The following PTAR1 variants were observed in gnomAD, a reference collection of about 807,000 sequenced individuals.
PTAR1 encodes the protein protein prenyltransferase alpha subunit repeat-containing protein 1.
Under a neutral mutation model 45.5 loss-of-function variants are expected in PTAR1, and 17 were observed. The observed-to-expected ratio is 0.37, with a 90% CI of 0.26 to 0.56. The LOEUF (loss-of-function observed/expected upper bound fraction) is 0.56, where lower values mean the gene tolerates loss of function less well. Ranked by LOEUF, PTAR1 falls within the 20% of genes least tolerant of loss-of-function variation. PTAR1 has a pLI of 0.77. For synonymous variants in PTAR1, 169 were observed against 171.3 expected (o/e 0.99, Z 0.11); for missense variants, 391 against 476.3 (o/e 0.82, Z 1.67).
rs1214655935 is a variant in PTAR1 at position 69,710,105 on chromosome 9, C to CTTA, written c.*8236_*8237insTAA. 1 of 152,010 alleles carries CTTA rather than the reference C, an allele frequency of 6.6e-6. No individual in the cohort carries two copies. Among genetic ancestry groups the CTTA allele is most frequent in the African/African-American group, 2.4e-5 (1 of 41,406 alleles). The allele number at this position is 152,010 out of a possible 1,614,324, so 9.4% of individuals were successfully genotyped here. On this transcript the variant is annotated 3_prime_UTR_variant, in exon 8 of 8. Transcript: ENST00000340434. ...TACCATAATTACAGGCCTACCTCACCATCTCCAAAGTTAAAGTCATATTTT... is the reference window on the plus strand; with the variant it reads ...TACCATAATTACAGGCCTACCTCACCTTAATCTCCAAAGTTAAAGTCATATTTT...
chr9:69,724,944 C>T (rs1825197310), intron 5 of PTAR1, among the ~76,000 whole-genome samples: 1 of 152,102 alleles, frequency 6.6e-6, no homozygotes, highest in Non-Finnish European at 1.5e-5. Flanking sequence ...TTCATAGCCA[C>T]CTAAATTTAT....
Position 69,741,779 on chromosome 9 carries a change from G to A in PTAR1, c.323+13C>T, listed in dbSNP as rs947186391. 4.5e-6 allele frequency: 7 copies of A among 1,566,738 alleles called. No individual in the cohort carries two copies. The highest frequency in any genetic ancestry group is 2.3e-5 in the East Asian group (1 of 44,208). On this transcript the variant is annotated intron_variant, in intron 3 of 7. Transcript: ENST00000340434. ...GGACAAACTTTATCATATCACTAAT[G>A]AAAATGACATACCTCACGTTCCATG...
intron 2 of PTAR1, among the ~76,000 whole-genome samples, chr9:69,748,635 A>G (rs935633387): frequency 6.6e-6 from 1 of 152,096 alleles, no homozygotes; most frequent in Admixed American, 6.6e-5. Context: ...TTAAATTGTC[A>G]TCTTTCTTCA....
chr9:69,710,461 T>C lies in PTAR1; in HGVS notation c.*7881A>G, dbSNP rs1007789877. 8 of 152,118 alleles carry C rather than the reference T, an allele frequency of 5.3e-5. No homozygotes were observed. Among genetic ancestry groups the C allele is most frequent in the Admixed American group, 4.6e-4 (7 of 15,242 alleles). The allele number at this position is 152,118 out of a possible 1,614,324, so 9.4% of individuals were successfully genotyped here. A position where few individuals can be genotyped will look rare whatever the true frequency, so the allele number is the denominator to read the frequency against. On this transcript the variant is annotated 3_prime_UTR_variant, in exon 8 of 8. Coordinates refer to ENST00000340434, the MANE Select transcript of PTAR1 (RefSeq NM_001099666.2). ...TTCTGTTGAACAATGTGGACATAGA[T>C]AATCTACAGTCATTACATTAGCCTT... is the stretch of plus-strand genomic sequence containing the variant.
rs886405120 is a variant in PTAR1 at position 69,713,431 on chromosome 9, T to C, written c.*4911A>G. On this transcript the variant is annotated 3_prime_UTR_variant, in exon 8 of 8. Transcript: ENST00000340434. ...CTATATATTTCTATGAAATTATATT[T>C]GCTATCTTGAAATATGGAATTCCTA... is the stretch of plus-strand genomic sequence containing the variant. 6.6e-6 allele frequency: 1 copy of C among 152,176 alleles called. No individual in the cohort carries two copies. Among genetic ancestry groups the C allele is most frequent in the Non-Finnish European group, 1.5e-5 (1 of 68,024 alleles). 9.4% of individuals were successfully genotyped at this position (152,176 alleles called of 1,614,324 possible).
Position 69,734,397 on chromosome 9 carries a change from C to G in PTAR1, c.324-143G>C, listed in dbSNP as rs199648154. On this transcript the variant is annotated intron_variant, in intron 3 of 7. Transcript: ENST00000340434. ...AACAAAAAAAGAAAGAAAAAAAGCCCAAGCCACTCTGGGATATAAAACACT... is the reference window on the plus strand; with the variant it reads ...AACAAAAAAAGAAAGAAAAAAAGCCGAAGCCACTCTGGGATATAAAACACT... 6.6e-6 allele frequency: 3 copies of G among 452,610 alleles called. No homozygotes were observed. The Admixed American group carries it at 1.2e-4, about 17-fold the overall frequency. 28.0% of individuals were successfully genotyped at this position (452,610 alleles called of 1,614,324 possible).
intron 4 of PTAR1, among the ~76,000 whole-genome samples, chr9:69,733,387 G>A (rs754035765): frequency 2.0e-5 from 3 of 152,106 alleles, no homozygotes; most frequent in Admixed American, 6.6e-5. Context: ...TCCTAAAAAT[G>A]CCCACGATTT....
intron 3 of PTAR1, among the ~76,000 whole-genome samples, chr9:69,739,980 A>G (rs1471746718): frequency 1.3e-5 from 2 of 152,186 alleles, no homozygotes; most frequent in Non-Finnish European, 2.9e-5. Flanking sequence ...TAAAAGTTTA[A>G]TAGAATCATA....
chr9:69,716,551 T>C lies in PTAR1; in HGVS notation c.*1791A>G, dbSNP rs977471616. The C allele has an allele frequency of 7.9e-5, 12 of 152,132 alleles. No individual in the cohort carries two copies. The highest frequency in any genetic ancestry group is 2.9e-4 in the African/African-American group (12 of 41,442). 9.4% of individuals were successfully genotyped at this position (152,132 alleles called of 1,614,324 possible). A position where few individuals can be genotyped will look rare whatever the true frequency, so the allele number is the denominator to read the frequency against. ...AACCATGATGCCAAAGAAAAGGACA[T>C]ATTTCTTCTTCTTTAAGGCAGTCTA... On this transcript the variant is annotated 3_prime_UTR_variant, in exon 8 of 8. Coordinates refer to ENST00000340434, the MANE Select transcript of PTAR1 (RefSeq NM_001099666.2).
intron 3 of PTAR1, among the ~76,000 whole-genome samples, chr9:69,735,657 A>G (rs1194019990): frequency 6.6e-6 from 1 of 152,098 alleles, no homozygotes; most frequent in African/African-American, 2.4e-5. Context: ...ACTCTCACTG[A>G]ATTCTCAATG....
rs1465248387 is a variant in PTAR1 at position 69,732,372 on chromosome 9, G to C, written c.429-20C>G. On this transcript the variant is annotated intron_variant, in intron 4 of 7. Coordinates refer to ENST00000340434, the MANE Select transcript of PTAR1 (RefSeq NM_001099666.2). ...CATCGCCTGTTAAGGCAGCATGTGGGAAAGAGAACACAGAAAGAACATAAA... is the reference window on the plus strand; with the variant it reads ...CATCGCCTGTTAAGGCAGCATGTGGCAAAGAGAACACAGAAAGAACATAAA... 3 of 1,531,894 alleles carry C rather than the reference G, an allele frequency of 2.0e-6. No homozygotes were observed. The Admixed American group carries it at 5.0e-5, about 26-fold the overall frequency. The allele number at this position is 1,531,894 out of a possible 1,614,324, so 94.9% of individuals were successfully genotyped here. A position where few individuals can be genotyped will look rare whatever the true frequency, so the allele number is the denominator to read the frequency against.
intron 1 of PTAR1, among the ~76,000 whole-genome samples, chr9:69,752,054 TAATG>T (rs1826557553): frequency 6.6e-6 from 1 of 152,098 alleles, no homozygotes; most frequent in South Asian, 2.1e-4. Context: ...TCTGTTTAAT[TAATG>T]AATAACAAGA....
intron 3 of PTAR1, among the ~76,000 whole-genome samples, chr9:69,737,857 G>A (rs905048594): frequency 5.3e-5 from 8 of 152,020 alleles, no homozygotes; most frequent in South Asian, 4.1e-4. Flanking sequence ...TTTCAGGTTC[G>A]TAAACAAGTT....
intron 5 of PTAR1, among the ~76,000 whole-genome samples, chr9:69,728,203 AT>A (rs1026592987): frequency 1.3e-5 from 2 of 151,992 alleles, no homozygotes; most frequent in African/African-American, 4.8e-5. Flanking sequence ...GTGAGGTATT[AT>A]TTTTTGGCTA....
At chr9:69,725,438 A>T (rs576090807) in intron 5 of PTAR1, among the ~76,000 whole-genome samples, 1 of 151,914 alleles carries the variant, frequency 6.6e-6, no homozygotes, top group East Asian at 1.9e-4. Context: ...AAAAATACAA[A>T]AATTTGCAGG....
At chr9:69,743,898 A>T (rs189913805) in intron 2 of PTAR1, among the ~76,000 whole-genome samples, 76 of 152,278 alleles carry the variant, frequency 5.0e-4, no homozygotes, top group Non-Finnish European at 8.8e-4. Context: ...AACATAAACC[A>T]CATTTTGGGG....
In PTAR1 at chr9:69,716,951, T is replaced by C. The variant is rs1228695288; in HGVS notation, c.*1391A>G. 6.6e-6 allele frequency: 1 copy of C among 152,030 alleles called. No homozygotes were observed. The highest frequency in any genetic ancestry group is 1.5e-5 in the Non-Finnish European group (1 of 67,998). The allele number at this position is 152,030 out of a possible 1,614,324, so 9.4% of individuals were successfully genotyped here. A position where few individuals can be genotyped will look rare whatever the true frequency, so the allele number is the denominator to read the frequency against. ...CGTAATGGATTGGCAAAACAAAGTA[T>C]ATGAAAAGAAGAAACAGACCACTTA... is the stretch of plus-strand genomic sequence containing the variant. On this transcript the variant is annotated 3_prime_UTR_variant, in exon 8 of 8. Coordinates refer to ENST00000340434, the MANE Select transcript of PTAR1 (RefSeq NM_001099666.2).
intron 2 of PTAR1, among the ~76,000 whole-genome samples, chr9:69,743,438 A>G (rs914211954): frequency 1.3e-5 from 2 of 152,158 alleles, no homozygotes; most frequent in African/African-American, 4.8e-5. Context: ...CTAACAATAA[A>G]ATCAATTATT....
In PTAR1 at chr9:69,729,194, C is replaced by G. The variant is rs111516858; in HGVS notation, c.642+2945G>C. Among the ~76,000 whole-genome samples the G allele has an allele frequency of 9.0e-3, 1,362 of 152,114 alleles. 15 individuals are homozygous for G. The highest frequency in any genetic ancestry group is 0.03 in the African/African-American group (1,234 of 41,472). The stretch of plus-strand genomic sequence containing the variant: ...AATTAGCTGGGCGTGGTAGTGGGTG[C>G]CTGTAATCCCAGCTACTTGGGAGGC... On this transcript the variant is annotated intron_variant, in intron 5 of 7. Coordinates refer to ENST00000340434, the MANE Select transcript of PTAR1 (RefSeq NM_001099666.2).
Sources: allele counts gnomAD v4.1 joint callset (sites outside exome capture counted in the v4.1 genomes callset), GRCh38; gene constraint gnomAD v4.1.1; transcripts MANE v1.5; gene names NCBI Gene and HGNC (gene_info 2026-07-23, HGNC 2026-07-21).